The following SAMD5 variants were observed in gnomAD, a reference collection of about 807,000 sequenced individuals.
SAMD5 encodes sterile alpha motif domain containing 5.
In SAMD5, 13 loss-of-function variants were observed where a neutral mutation model predicts 11.3. The observed-to-expected ratio is 1.15, with a 90% confidence interval of 0.75 to 1.83. The LOEUF (loss-of-function observed/expected upper bound fraction) is 1.83, where lower values mean the gene tolerates loss of function less well. SAMD5 is among the 40% of genes most tolerant of loss of function. The probability of loss-of-function intolerance (pLI) is 0.00; values close to 1 mark genes in which losing one functional copy is unlikely to be tolerated. For missense variants in SAMD5, 255 were observed against 239.1 expected, an observed-to-expected ratio of 1.07 and a Z score of -0.44; for synonymous variants, 129 against 111.3, an observed-to-expected ratio of 1.16 and a Z score of -1.00.
chr6:147,914,378 T>G, the SAMD5 span, among the ~76,000 whole-genome samples: 3 of 152,096 alleles, frequency 2.0e-5, no homozygotes, highest in Non-Finnish European at 1.5e-5. Flanking sequence ...GGCATTGAAG[T>G]CAGCTACTGA....
At chr6:147,879,762 G>A in the SAMD5 span, among the ~76,000 whole-genome samples, 1 of 152,118 alleles carries the variant, frequency 6.6e-6, no homozygotes, top group Non-Finnish European at 1.5e-5. Flanking sequence ...ATAATGGTGC[G>A]CAAATAAGCA....
chr6:147,865,638 T>C, the SAMD5 span, among the ~76,000 whole-genome samples: 1 of 152,170 alleles, frequency 6.6e-6, no homozygotes, highest in East Asian at 1.9e-4. Context: ...TGACATTTTC[T>C]GAAATGGCTT....
intron 1 of SAMD5, among the ~76,000 whole-genome samples, chr6:147,621,091 T>C (rs1180257279): frequency 6.6e-6 from 1 of 152,118 alleles, no homozygotes; most frequent in Non-Finnish European, 1.5e-5. Context: ...ACAGAGGGTC[T>C]TACGTGTCGG....
intron 1 of SAMD5, among the ~76,000 whole-genome samples, chr6:147,551,828 A>ATATATATG (rs2128443172): frequency 6.8e-6 from 1 of 146,436 alleles, no homozygotes; most frequent in Non-Finnish European, 1.5e-5. Flanking sequence ...ATATATATAT[A>ATATATATG]TATATATATG....
At chr6:147,741,317 C>A (rs1410086254), downstream of SAMD5, 3 of 152,154 alleles carry the variant, frequency 2.0e-5, no homozygotes, top group Non-Finnish European at 4.4e-5. Flanking sequence ...CAAGCCACCC[C>A]CTCCCAGGAT....
chr6:147,721,640 T>G (rs1405323050), intron 1 of SAMD5, among the ~76,000 whole-genome samples: 2 of 152,180 alleles, frequency 1.3e-5, no homozygotes, highest in Admixed American at 6.5e-5. Context: ...TTTCTCCCAT[T>G]TTGTAGGTTG....
intron 1 of SAMD5, among the ~76,000 whole-genome samples, chr6:147,531,407 T>G (rs1291700835): frequency 5.3e-5 from 8 of 152,244 alleles, no homozygotes; most frequent in Non-Finnish European, 1.2e-4. Context: ...TAATCTTAGA[T>G]TATTACCAGG....
At chr6:147,772,544 A>G in the SAMD5 span, among the ~76,000 whole-genome samples, 2 of 152,168 alleles carry the variant, frequency 1.3e-5, no homozygotes, top group African/African-American at 4.8e-5. Flanking sequence ...TCTAGAGGCT[A>G]GAAGTCCAAG....
At chr6:147,731,013 A>G (rs1170413774) in intron 1 of SAMD5, among the ~76,000 whole-genome samples, 1 of 152,216 alleles carries the variant, frequency 6.6e-6, no homozygotes, top group Non-Finnish European at 1.5e-5. Flanking sequence ...TTGAGCCTGT[A>G]CTAAGTAGCA....
chr6:147,566,892 C>A lies in SAMD5; in HGVS notation c.*2436C>A. 9 of 953,768 alleles carry A rather than the reference C, an allele frequency of 9.4e-6. No individual in the cohort carries two copies. In the South Asian group the frequency reaches 3.9e-4, roughly 41 times the overall value. 59.1% of individuals were successfully genotyped at this position (953,768 alleles called of 1,614,324 possible). ...TGAATTGTATCTGGGGACAGTTAGTCTTAGAAGGAGTAATTTTTTCAGCGT... is the reference window on the plus strand; with the variant it reads ...TGAATTGTATCTGGGGACAGTTAGTATTAGAAGGAGTAATTTTTTCAGCGT... On this transcript the variant is annotated 3_prime_UTR_variant, in exon 2 of 2. Coordinates refer to ENST00000367474, the MANE Select transcript of SAMD5 (RefSeq NM_001030060.3).
chr6:147,763,590 AT>A, the SAMD5 span, among the ~76,000 whole-genome samples: 1 of 150,626 alleles, frequency 6.6e-6, no homozygotes, highest in African/African-American at 2.4e-5. Context: ...TGTTTTTTGC[AT>A]TAATATTGAG....
At chr6:147,769,904 C>T in the SAMD5 span, among the ~76,000 whole-genome samples, 1 of 152,156 alleles carries the variant, frequency 6.6e-6, no homozygotes, top group African/African-American at 2.4e-5. Flanking sequence ...TTTGAAATGG[C>T]GCAGAGTGTG....
chr6:147,715,349 C>G (rs1026459044), intron 1 of SAMD5, among the ~76,000 whole-genome samples: 2 of 152,206 alleles, frequency 1.3e-5, no homozygotes, highest in Admixed American at 6.5e-5. Context: ...GGGCAGGCAA[C>G]TCCAGGCACC....
At chr6:147,948,213 C>T in the SAMD5 span, among the ~76,000 whole-genome samples, 611 of 149,638 alleles carry the variant, frequency 4.1e-3, 3 homozygotes, top group African/African-American at 0.014. Flanking sequence ...TTGTTGATAC[C>T]GAGATTTTTT....
At chr6:147,828,559 A>G in the SAMD5 span, among the ~76,000 whole-genome samples, 1 of 152,284 alleles carries the variant, frequency 6.6e-6, no homozygotes, top group Non-Finnish European at 1.5e-5. Flanking sequence ...AGACTGGTTT[A>G]ACCTCTGAGC....
At chr6:147,835,553 T>G in the SAMD5 span, among the ~76,000 whole-genome samples, 1 of 152,274 alleles carries the variant, frequency 6.6e-6, no homozygotes, top group East Asian at 1.9e-4. Context: ...AGGTCACTAT[T>G]GGCAGAGACT....
At chr6:147,869,902 G>A in the SAMD5 span, among the ~76,000 whole-genome samples, 1 of 152,038 alleles carries the variant, frequency 6.6e-6, no homozygotes, top group Middle Eastern at 3.2e-3. Context: ...GAGACTTAGA[G>A]ACGGGGTCTC....
At chr6:147,545,752 C>A (rs548364809) in intron 1 of SAMD5, among the ~76,000 whole-genome samples, 24 of 152,166 alleles carry the variant, frequency 1.6e-4, no homozygotes, top group African/African-American at 5.8e-4. Context: ...ATATAAAACA[C>A]AGACACACAC....
chr6:147,784,296 G>A, the SAMD5 span, among the ~76,000 whole-genome samples: 1 of 152,090 alleles, frequency 6.6e-6, no homozygotes, highest in African/African-American at 2.4e-5. Context: ...ACTGTGACTA[G>A]TTAAATGACA....
Sources: gnomAD v4.1 joint callset for allele counts (sites outside exome capture counted in the v4.1 genomes callset) on GRCh38, gnomAD v4.1.1 for gene constraint, MANE v1.5 for transcripts, NCBI Gene and HGNC (gene_info 2026-07-23, HGNC 2026-07-21) for gene names.